The following MROH2B variants were observed in gnomAD, a reference collection of about 807,000 sequenced individuals.
MROH2B encodes the protein maestro heat-like repeat-containing protein family member 2B.
A neutral mutation model predicts 208.6 loss-of-function variants in MROH2B; 177 were observed. The observed-to-expected ratio is 0.85, with a 90% CI of 0.75 to 0.96. MROH2B has a LOEUF of 0.96. Among genes scored for constraint, MROH2B ranks in the 40% least tolerant of loss-of-function variants. MROH2B has a pLI of 0.00. For missense variants in MROH2B, 2,002 were observed against 1,878.7 expected, an observed-to-expected ratio of 1.07 and a Z score of -1.21; for synonymous variants, 728 against 659.0, an observed-to-expected ratio of 1.10 and a Z score of -1.60.
intron 6 of MROH2B, among the ~76,000 whole-genome samples, chr5:41,059,780 TC>T (rs1004470177): frequency 6.6e-6 from 1 of 152,160 alleles, no homozygotes; most frequent in Non-Finnish European, 1.5e-5. Flanking sequence ...TCCCTTGCTT[TC>T]CCCTTAATAT....
intron 40 of MROH2B, 110 bp downstream of exon 40, chr5:40,999,565 TAA>T: frequency 1.3e-6 from 1 of 750,872 alleles, no homozygotes; most frequent in South Asian, 2.8e-5. Context: ...TGGGCTTTAA[TAA>T]AAAAGTTATA....
rs538773495 is a variant in MROH2B at position 41,048,353 on chromosome 5, C to T, written c.1655G>A (p.Arg552His). 2.0e-5 allele frequency: 32 copies of T among 1,613,360 alleles called. No individual in the cohort carries two copies. Among genetic ancestry groups the T allele is most frequent in the South Asian group, 1.8e-4 (16 of 91,024 alleles). Residue 552 changes from arginine (R) to histidine (H), a missense_variant, in exon 16 of 42, where the codon CGT becomes CAT. By Grantham distance (29) the Arg-to-His change is conservative (BLOSUM62 0). Coordinates refer to ENST00000399564, the MANE Select transcript of MROH2B (RefSeq NM_173489.5). ...HPKLVDLWKT[R>H]LPELLQPLEG... is the part of the protein sequence containing the mutation. ...CAGAGGCTGCAGAAGCTCAGGTAAA[C>T]GTGTTTTCCATAGGTCTACCAATTT...
intron 21 of MROH2B, among the ~76,000 whole-genome samples, chr5:41,036,875 G>GT (rs774218698): frequency 3.3e-5 from 5 of 152,096 alleles, no homozygotes; most frequent in Non-Finnish European, 7.4e-5. Flanking sequence ...TAAAAAGAGT[G>GT]TATCACTGAT....
chr5:41,033,156 A>G lies in MROH2B; in HGVS notation c.2246T>C (p.Met749Thr). 1 of 1,612,608 alleles carries G rather than the reference A, an allele frequency of 6.2e-7. No individual in the cohort carries two copies. Reference sequence around the variant, plus strand: ...TCTTGTGAAACTCATTTGCAGATCCATGTCCTAAAGCAAAAGCATTTACAA... The same window carrying G: ...TCTTGTGAAACTCATTTGCAGATCCGTGTCCTAAAGCAAAAGCATTTACAA... ...VLGMSVMNKDMDLQMSFTRSI... is the reference protein window; with the variant it reads ...VLGMSVMNKDTDLQMSFTRSI... The change falls in exon 23 of 42, where the codon ATG becomes ACG. Residue 749 changes from methionine to threonine, a missense_variant. By Grantham distance (81) the Met-to-Thr change is moderately conservative. Coordinates refer to ENST00000399564, the MANE Select transcript of MROH2B (RefSeq NM_173489.5).
intron 30 of MROH2B, among the ~76,000 whole-genome samples, 177 bp from the exon 31 acceptor site, chr5:41,010,256 A>G (rs1741733431): frequency 1.3e-5 from 2 of 152,198 alleles, no homozygotes; most frequent in South Asian, 2.1e-4. Flanking sequence ...TGAATTGGCT[A>G]TTTGTTCCTA....
At chr5:41,049,547 T>C (rs1743224693) in intron 13 of MROH2B, 111 bp from the exon 14 acceptor site, 1 of 1,389,280 alleles carries the variant, frequency 7.2e-7, no homozygotes, top group Admixed American at 2.8e-5. Flanking sequence ...TGTTATTATT[T>C]TGCTTTTTGG....
chr5:41,026,175 G>T (rs955321733), intron 24 of MROH2B, among the ~76,000 whole-genome samples: 5 of 152,184 alleles, frequency 3.3e-5, no homozygotes, highest in African/African-American at 1.2e-4. Context: ...AGTGTTGGAA[G>T]TTCTGGTCAG....
chr5:41,005,576 G>A lies in MROH2B; in HGVS notation c.3819C>T (p.Ser1273=). The A allele has an allele frequency of 6.2e-7, 1 of 1,611,248 alleles. No homozygotes were observed. The highest frequency in any genetic ancestry group is 8.5e-7 in the Non-Finnish European group (1 of 1,178,818). The change falls in exon 35 of 42, where the codon TCC becomes TCT. Residue 1273 remains serine, a synonymous_variant. Coordinates refer to ENST00000399564, the MANE Select transcript of MROH2B (RefSeq NM_173489.5). The part of the protein sequence containing the change: ...IMEQLLSSLT[S]SSENYRITGA... Reference sequence around the variant, plus strand: ...CGGTTATCCGGTAGTTCTCCGAGGAGGAGGTAAGAGATGAGAGCAGCTGTT... The same window carrying A: ...CGGTTATCCGGTAGTTCTCCGAGGAAGAGGTAAGAGATGAGAGCAGCTGTT...
At chr5:41,004,250 G>A (rs1561272936) in intron 37 of MROH2B, 96 bp downstream of exon 37, 11 of 1,409,602 alleles carry the variant, frequency 7.8e-6, no homozygotes, top group Non-Finnish European at 9.6e-6. Context: ...CAAGGAATAT[G>A]GGTGGGACAC....
intron 41 of MROH2B, 56 bp downstream of exon 41, chr5:40,998,556 T>C: frequency 7.0e-7 from 1 of 1,423,322 alleles, no homozygotes. Context: ...CAGCAATATT[T>C]TCTCTTTTCC....
chr5:41,065,284 A>G, intron 4 of MROH2B, 47 bp downstream of exon 4: 2 of 1,549,866 alleles, frequency 1.3e-6, no homozygotes, highest in Non-Finnish European at 1.7e-6. Flanking sequence ...TTAGACAATT[A>G]GAAGTTGTCA....
At chr5:41,053,747 G>A (rs139680922) in intron 11 of MROH2B, among the ~76,000 whole-genome samples, 1 of 151,976 alleles carries the variant, frequency 6.6e-6, no homozygotes, top group Non-Finnish European at 1.5e-5. Context: ...TTTGTCTTTT[G>A]TCAGTTACTA....
intron 9 of MROH2B, 56 bp downstream of exon 9, chr5:41,057,053 T>C: frequency 6.5e-7 from 1 of 1,547,020 alleles, no homozygotes; most frequent in Non-Finnish European, 8.9e-7. Context: ...TTTACCATTG[T>C]CATCATCATC....
chr5:41,044,093 A>T (rs1195841261), intron 18 of MROH2B, among the ~76,000 whole-genome samples: 1 of 151,332 alleles, frequency 6.6e-6, no homozygotes, highest in Non-Finnish European at 1.5e-5. Flanking sequence ...CAAAAAAAAA[A>T]AAAAAAATTA....
rs777920506 is a variant in MROH2B, at chr5:41,005,570, C to G, written c.3825G>C (p.Ser1275=). The change falls in exon 35 of 42, where the codon TCG becomes TCC. Residue 1275 remains serine (S), a synonymous_variant. Coordinates refer to ENST00000399564, the MANE Select transcript of MROH2B (RefSeq NM_173489.5). The part of the protein sequence containing the change: ...EQLLSSLTSS[S]ENYRITGAAF... Reference sequence around the variant, plus strand: ...CTGCGCCGGTTATCCGGTAGTTCTCCGAGGAGGAGGTAAGAGATGAGAGCA... The same window carrying G: ...CTGCGCCGGTTATCCGGTAGTTCTCGGAGGAGGAGGTAAGAGATGAGAGCA... 125 of 1,609,790 alleles carry G rather than the reference C, an allele frequency of 7.8e-5. No individual in the cohort carries two copies. The highest frequency in any genetic ancestry group is 1.0e-4 in the Non-Finnish European group (118 of 1,178,204).
At chr5:41,017,718 G>T in intron 28 of MROH2B, 132 bp downstream of exon 28, 1 of 1,004,844 alleles carries the variant, frequency 1.0e-6, no homozygotes, top group Non-Finnish European at 1.4e-6. Flanking sequence ...GAGGAGAAAA[G>T]GAGGAAAATG....
chr5:41,038,666 A>G (rs951385721), intron 21 of MROH2B, 70 bp downstream of exon 21: 3 of 1,465,742 alleles, frequency 2.0e-6, no homozygotes, highest in Non-Finnish European at 2.7e-6. Context: ...AAAGCTTCCC[A>G]GGGACTGAGC....
At chr5:41,055,982 T>G (rs575561576) in intron 9 of MROH2B, 127 bp from the exon 10 acceptor site, 1 of 678,104 alleles carries the variant, frequency 1.5e-6, no homozygotes, top group Admixed American at 2.4e-5. Context: ...TTTGATTTTA[T>G]TACGTCCATG....
At chr5:41,017,750 G>T in intron 28 of MROH2B, 100 bp downstream of exon 28, 3 of 1,318,542 alleles carry the variant, frequency 2.3e-6, no homozygotes, top group Non-Finnish European at 2.0e-6. Flanking sequence ...GAGAGGAGAG[G>T]GGAGGAGGGA....
Sources: gnomAD v4.1 joint callset for allele counts (sites outside exome capture counted in the v4.1 genomes callset) on GRCh38, gnomAD v4.1.1 for gene constraint, MANE v1.5 for transcripts, NCBI Gene and HGNC (gene_info 2026-07-23, HGNC 2026-07-21) for gene names.